The following IMMP2L variants were observed in gnomAD, a reference collection of about 807,000 sequenced individuals.
The protein encoded by IMMP2L is mitochondrial inner membrane protease subunit 2.
In IMMP2L, 18 loss-of-function variants were observed where a neutral mutation model predicts 19.3. That is an observed-to-expected ratio of 0.93 (90% confidence interval 0.64 to 1.38). The LOEUF (loss-of-function observed/expected upper bound fraction) is 1.38. IMMP2L is among the 40% of genes most tolerant of loss of function. The pLI, the probability that IMMP2L is intolerant of heterozygous loss-of-function variation, is 0.00. For missense variants in IMMP2L, 233 were observed against 218.2 expected (o/e 1.07, Z -0.43); for synonymous variants, 76 against 73.0 (o/e 1.04, Z -0.21).
At chr7:111,515,781 C>A (rs768558453) in intron 2 of IMMP2L, among the ~76,000 whole-genome samples, 4 of 152,038 alleles carry the variant, frequency 2.6e-5, no homozygotes, top group African/African-American at 4.8e-5. Flanking sequence ...TCAACCTGAG[C>A]GGCACAGTTT....
intron 3 of IMMP2L, among the ~76,000 whole-genome samples, chr7:111,328,054 C>T (rs887124012): frequency 2.0e-5 from 3 of 151,682 alleles, no homozygotes; most frequent in Admixed American, 1.3e-4. Context: ...AATATTTTTA[C>T]AAAACCACAT....
At chr7:111,456,623 TA>T (rs1456415554) in intron 3 of IMMP2L, among the ~76,000 whole-genome samples, 1 of 152,158 alleles carries the variant, frequency 6.6e-6, no homozygotes, top group African/African-American at 2.4e-5. Context: ...TATTACTTCT[TA>T]GTTTTTAGCC....
intron 2 of IMMP2L, among the ~76,000 whole-genome samples, chr7:111,518,874 C>T (rs1846099147): frequency 6.6e-6 from 1 of 152,028 alleles, no homozygotes; most frequent in African/African-American, 2.4e-5. Context: ...AAATAGCATC[C>T]TCTTTCCTCT....
intron 4 of IMMP2L, among the ~76,000 whole-genome samples, chr7:110,961,790 G>C (rs757470944): frequency 5.3e-5 from 8 of 151,772 alleles, no homozygotes; most frequent in Non-Finnish European, 1.0e-4. Flanking sequence ...GTTAGCAACA[G>C]CAACAAAAAA....
intron 5 of IMMP2L, among the ~76,000 whole-genome samples, chr7:110,822,681 T>A (rs1212927437): frequency 1.3e-5 from 2 of 152,104 alleles, no homozygotes; most frequent in African/African-American, 2.4e-5. Flanking sequence ...TTTTCTCTAA[T>A]CCTTAAAAAA....
At chr7:111,428,669 C>T (rs550600847) in intron 3 of IMMP2L, among the ~76,000 whole-genome samples, 1 of 151,620 alleles carries the variant, frequency 6.6e-6, no homozygotes, top group South Asian at 2.1e-4. Context: ...TAGAGCAGTA[C>T]AAAAAGGTCA....
intron 3 of IMMP2L, among the ~76,000 whole-genome samples, chr7:111,317,323 A>G (rs1197462691): frequency 6.6e-6 from 1 of 152,150 alleles, no homozygotes; most frequent in Admixed American, 6.6e-5. Context: ...ATAAATGAAG[A>G]TTCTAATTGT....
intron 3 of IMMP2L, among the ~76,000 whole-genome samples, chr7:111,130,911 C>CTT (rs1237880184): frequency 1.3e-5 from 2 of 151,946 alleles, no homozygotes; most frequent in African/African-American, 4.8e-5. Flanking sequence ...TCCAAAACAA[C>CTT]TTTAAAGCTC....
intron 3 of IMMP2L, among the ~76,000 whole-genome samples, chr7:111,261,640 T>C (rs1817320644): frequency 6.6e-6 from 1 of 152,142 alleles, no homozygotes; most frequent in South Asian, 2.1e-4. Flanking sequence ...TACTGGTTTC[T>C]ACAGGAGAAT....
At chr7:111,030,295 A>G (rs758541436) in intron 3 of IMMP2L, among the ~76,000 whole-genome samples, 2 of 152,246 alleles carry the variant, frequency 1.3e-5, no homozygotes, top group Middle Eastern at 6.8e-3. Flanking sequence ...AAAAGCCTAT[A>G]ATATGTGCTA....
chr7:111,558,241 C>T (rs1172326136), intron 1 of IMMP2L, among the ~76,000 whole-genome samples: 4 of 152,130 alleles, frequency 2.6e-5, no homozygotes, highest in Non-Finnish European at 5.9e-5. Flanking sequence ...AACCCCTCTC[C>T]TTTGTCATTA....
chr7:110,744,846 C>T lies in IMMP2L; in HGVS notation c.409-81125G>A, dbSNP rs191215602. On this transcript the variant is annotated intron_variant, in intron 5 of 5. Coordinates refer to ENST00000405709, the MANE Select transcript of IMMP2L (RefSeq NM_032549.4). ...CAAAAACCAGAATGCTTCTTCTCCT[C>T]CAAAGGATCACAACTCCTCGCCAGC... Among the ~76,000 whole-genome samples, 23 of 152,232 alleles carry T rather than the reference C, an allele frequency of 1.5e-4. No homozygotes were observed. In the East Asian group the frequency reaches 3.7e-3, roughly 24 times the overall value.
chr7:111,335,079 C>G (rs1432357025), intron 3 of IMMP2L, among the ~76,000 whole-genome samples: 1 of 151,984 alleles, frequency 6.6e-6, no homozygotes, highest in African/African-American at 2.4e-5. Context: ...TTCACACTTA[C>G]CGATGCTCTT....
At chr7:111,091,851 G>A (rs1563232391) in intron 3 of IMMP2L, among the ~76,000 whole-genome samples, 1 of 151,968 alleles carries the variant, frequency 6.6e-6, no homozygotes, top group African/African-American at 2.4e-5. Context: ...GGAGAGAGAA[G>A]GAGATGGGGA....
At chr7:110,813,675 T>C (rs1055903467) in intron 5 of IMMP2L, among the ~76,000 whole-genome samples, 5 of 151,680 alleles carry the variant, frequency 3.3e-5, no homozygotes, top group South Asian at 2.1e-4. Flanking sequence ...ATGTTAACTG[T>C]AGATAAAAAT....
intron 5 of IMMP2L, among the ~76,000 whole-genome samples, chr7:110,784,972 C>G (rs2131105198): frequency 6.6e-6 from 1 of 151,996 alleles, no homozygotes; most frequent in South Asian, 2.1e-4. Context: ...ATACAAGAAA[C>G]ACTTGTAAAA....
chr7:110,733,414 T>C (rs1796402748), intron 5 of IMMP2L, among the ~76,000 whole-genome samples: 1 of 151,524 alleles, frequency 6.6e-6, no homozygotes, highest in Admixed American at 6.6e-5. Flanking sequence ...AGCCAAAATT[T>C]AGTTGCAACA....
intron 3 of IMMP2L, among the ~76,000 whole-genome samples, chr7:111,264,960 T>A (rs902691671): frequency 2.6e-5 from 4 of 152,138 alleles, no homozygotes; most frequent in Non-Finnish European, 5.9e-5. Context: ...TTTACCTGCA[T>A]CTTTGTTACC....
chr7:110,824,994 T>G (rs1236291016), intron 5 of IMMP2L, among the ~76,000 whole-genome samples: 1 of 152,086 alleles, frequency 6.6e-6, no homozygotes, highest in African/African-American at 2.4e-5. Flanking sequence ...CAGCAAAGTC[T>G]CAGGATACAA....
Sources: allele counts gnomAD v4.1 joint callset (sites outside exome capture counted in the v4.1 genomes callset), GRCh38; gene constraint gnomAD v4.1.1; transcripts MANE v1.5; gene names NCBI Gene and HGNC (gene_info 2026-07-23, HGNC 2026-07-21).